The following B3GALNT2 variants were observed in gnomAD, a reference collection of about 807,000 sequenced individuals.
The protein encoded by B3GALNT2 is UDP-GalNAc:beta-1,3-N-acetylgalactosaminyltransferase 2.
B3GALNT2 carries 53 observed loss-of-function variants against 61.1 expected under a neutral mutation model. The observed-to-expected ratio is 0.87, with a 90% CI of 0.70 to 1.09. B3GALNT2 has a LOEUF of 1.09. B3GALNT2 is among the 50% of genes least tolerant of loss of function. The pLI, the probability that B3GALNT2 is intolerant of heterozygous loss-of-function variation, is 0.00. For synonymous variants in B3GALNT2, 223 were observed against 237.4 expected, an observed-to-expected ratio of 0.94 and a Z score of 0.56; for missense variants, 544 against 623.0, an observed-to-expected ratio of 0.87 and a Z score of 1.35.
chr1:235,476,746 A>G (rs375385138), intron 5 of B3GALNT2, among the ~76,000 whole-genome samples: 19 of 151,822 alleles, frequency 1.3e-4, no homozygotes, highest in African/African-American at 4.4e-4. Flanking sequence ...GCTACTTGAG[A>G]GGCTGGGGCA....
At chr1:235,491,114 C>T (rs140646536) in intron 2 of B3GALNT2, among the ~76,000 whole-genome samples, 15 of 149,918 alleles carry the variant, frequency 1.0e-4, no homozygotes, top group Non-Finnish European at 1.8e-4. Flanking sequence ...AAGGAAGATA[C>T]GATTCCAGTG....
chr1:235,448,328 A>C lies in B3GALNT2; in HGVS notation c.*1878T>G, dbSNP rs749192982. 1.2e-6 allele frequency: 2 copies of C among 1,609,780 alleles called. No homozygotes were observed. Among genetic ancestry groups the C allele is most frequent in the Non-Finnish European group, 1.7e-6 (2 of 1,176,250 alleles). ...AACTGTCATTTGAGAGAACGAATGG[A>C]CTTTTCTTGTCTTTTGATAGGCTCC... is the stretch of plus-strand genomic sequence containing the variant. On this transcript the variant is annotated 3_prime_UTR_variant, in exon 12 of 12. Coordinates refer to ENST00000366600, the MANE Select transcript of B3GALNT2 (RefSeq NM_152490.5).
Position 235,455,163 on chromosome 1 carries a change from C to G in B3GALNT2, c.1151+396G>C, listed in dbSNP as rs185224170. Among the ~76,000 whole-genome samples, 7 of 152,042 alleles carry G rather than the reference C, an allele frequency of 4.6e-5. No individual in the cohort carries two copies. In the East Asian group the frequency reaches 1.4e-3, roughly 29 times the overall value. On this transcript the variant is annotated intron_variant, in intron 9 of 11. Transcript: ENST00000366600. Reference sequence around the variant, plus strand: ...TTAAGACAGGGTCTCCCTCTGTTGCCCAGGCTGGAGTGCAGTTGCAAAATC... The same window carrying G: ...TTAAGACAGGGTCTCCCTCTGTTGCGCAGGCTGGAGTGCAGTTGCAAAATC...
chr1:235,497,082 T>G (rs1432370308), intron 1 of B3GALNT2, among the ~76,000 whole-genome samples: 1 of 152,190 alleles, frequency 6.6e-6, no homozygotes, highest in East Asian at 1.9e-4. Context: ...GGGTAACACA[T>G]CAATTTTTTT....
intron 8 of B3GALNT2, 105 bp from the exon 9 acceptor site, chr1:235,455,789 A>G: frequency 3.0e-6 from 4 of 1,325,230 alleles, no homozygotes; most frequent in East Asian, 2.4e-5. Context: ...GTCATTATCT[A>G]AATTTCTTAT....
chr1:235,491,612 A>G (rs997755920), intron 2 of B3GALNT2, among the ~76,000 whole-genome samples: 3 of 152,140 alleles, frequency 2.0e-5, no homozygotes, highest in Admixed American at 6.5e-5. Flanking sequence ...TCTCCAAGTC[A>G]GAACACTAGC....
At chr1:235,489,651 C>G in intron 2 of B3GALNT2, among the ~76,000 whole-genome samples, 1 of 152,278 alleles carries the variant, frequency 6.6e-6, no homozygotes, top group Non-Finnish European at 1.5e-5. Flanking sequence ...TCCTTTTGCT[C>G]AAGATTAGGT....
At chr1:235,492,572 A>G (rs1406657905) in intron 2 of B3GALNT2, among the ~76,000 whole-genome samples, 2 of 152,248 alleles carry the variant, frequency 1.3e-5, no homozygotes, top group Non-Finnish European at 2.9e-5. Context: ...GGTTTTAGGT[A>G]TTGGGAATAC....
chr1:235,441,889 A>C, the B3GALNT2 span: 4 of 1,613,266 alleles, frequency 2.5e-6, no homozygotes, highest in African/African-American at 1.3e-5. Flanking sequence ...CTAAGTAAGA[A>C]TCTCAGATTC....
chr1:235,479,697 G>A, intron 5 of B3GALNT2: 1 of 165,366 alleles, frequency 6.0e-6, no homozygotes, highest in Admixed American at 5.9e-5. Context: ...CTTTAGATAA[G>A]CAAATTATTT....
chr1:235,470,770 C>G lies in B3GALNT2; in HGVS notation c.762+80G>C. On this transcript the variant is annotated intron_variant, in intron 6 of 11. Coordinates refer to ENST00000366600, the MANE Select transcript of B3GALNT2 (RefSeq NM_152490.5). ...ATCATTGCTCCATGCTGCCTGGGCT[C>G]TAAGGTAAATTTTAGAACAATTTTA... is the stretch of plus-strand genomic sequence containing the variant. 4 of 1,538,610 alleles carry G rather than the reference C, an allele frequency of 2.6e-6. No individual in the cohort carries two copies. In the African/African-American group the frequency reaches 4.2e-5, roughly 16 times the overall value.
intron 3 of B3GALNT2, among the ~76,000 whole-genome samples, chr1:235,486,976 C>T (rs1263919017): frequency 1.3e-5 from 2 of 151,938 alleles, no homozygotes; most frequent in African/African-American, 4.8e-5. Context: ...TGAGACTAGC[C>T]TGGCCAATGT....
intron 7 of B3GALNT2, among the ~76,000 whole-genome samples, chr1:235,459,982 C>T (rs112235506): frequency 0.038 from 5,801 of 152,044 alleles, 233 homozygotes; most frequent in African/African-American, 0.1. Context: ...TTAGTAGAGA[C>T]GGAGTTTCAC....
chr1:235,442,878 C>T (rs1194973605), downstream of B3GALNT2: 30 of 1,614,060 alleles, frequency 1.9e-5, no homozygotes, highest in Non-Finnish European at 2.5e-5. Context: ...CCCTCATCAA[C>T]TTGATCAGAA....
chr1:235,480,990 A>G (rs1413101186), intron 4 of B3GALNT2, among the ~76,000 whole-genome samples: 2 of 142,526 alleles, frequency 1.4e-5, no homozygotes, highest in South Asian at 2.2e-4. Context: ...GGGTTCTCCC[A>G]TTTCTTCCAG....
intron 8 of B3GALNT2, among the ~76,000 whole-genome samples, chr1:235,456,218 G>C (rs1024775406): frequency 1.2e-4 from 18 of 152,124 alleles, no homozygotes; most frequent in African/African-American, 3.9e-4. Context: ...ACAACTTCTA[G>C]CAATTAAACC....
intron 1 of B3GALNT2, chr1:235,496,335 C>T: frequency 1.9e-6 from 2 of 1,027,814 alleles, no homozygotes; most frequent in African/African-American, 1.8e-5. Context: ...AGTTCCATTC[C>T]AAATGGAATA....
chr1:235,443,059 A>G, downstream of B3GALNT2: 3 of 798,646 alleles, frequency 3.8e-6, no homozygotes, highest in South Asian at 1.6e-5. Flanking sequence ...CTAAAATACA[A>G]TCAATCATGC....
Position 235,504,425 on chromosome 1 carries a change from T to G in B3GALNT2, c.-173A>C, listed in dbSNP as rs891641148. 2 of 649,920 alleles carry G rather than the reference T, an allele frequency of 3.1e-6. No homozygotes were observed. Among genetic ancestry groups the G allele is most frequent in the African/African-American group, 2.0e-5 (1 of 51,122 alleles). 40.3% of individuals were successfully genotyped at this position (649,920 alleles called of 1,614,324 possible). On this transcript the variant is annotated 5_prime_UTR_variant, in exon 1 of 12. Transcript: ENST00000366600. ...GCAGCTCCCGGCCCCGCTCCTCCGG[T>G]CCCTCAGACCGCGGGTGGCCGCGGC... is the stretch of plus-strand genomic sequence containing the variant.
Sources: allele counts gnomAD v4.1 joint callset (sites outside exome capture counted in the v4.1 genomes callset), GRCh38; gene constraint gnomAD v4.1.1; transcripts MANE v1.5; gene names NCBI Gene and HGNC (gene_info 2026-07-23, HGNC 2026-07-21).